SECISBP2: variants seen among roughly 807,000 people sequenced by gnomAD.
The protein encoded by SECISBP2 is SECIS binding protein 2.
SECISBP2 carries 96 observed loss-of-function variants against 98.2 expected under a neutral mutation model. That is an observed-to-expected ratio of 0.98 (90% CI 0.83 to 1.16). The LOEUF (loss-of-function observed/expected upper bound fraction) is 1.16. Ranked by LOEUF, SECISBP2 falls within the 50% of genes most tolerant of loss-of-function variation. SECISBP2 has a pLI of 0.00. For missense variants in SECISBP2, 1,046 were observed against 1,022.9 expected (o/e 1.02, Z -0.31); for synonymous variants, 407 against 370.2 (o/e 1.10, Z -1.14).
At chr9:89,340,239 T>C (rs1214540834) in intron 9 of SECISBP2, among the ~76,000 whole-genome samples, 6 of 152,318 alleles carry the variant, frequency 3.9e-5, no homozygotes, top group Non-Finnish European at 7.3e-5. Context: ...CATACTGCCT[T>C]ATGAAACTTT....
At chr9:89,355,523 C>A in intron 14 of SECISBP2, 1 of 974,358 alleles carries the variant, frequency 1.0e-6, no homozygotes, top group African/African-American at 1.8e-5. Context: ...TGATTTGTAC[C>A]TTTTTTATAA....
chr9:89,337,015 C>G (rs1428817190), intron 7 of SECISBP2, among the ~76,000 whole-genome samples: 1 of 152,070 alleles, frequency 6.6e-6, no homozygotes, highest in African/African-American at 2.4e-5. Context: ...CTCAGGTGAT[C>G]CATCTGCCTC....
downstream of SECISBP2, chr9:89,359,681 GTC>G (rs1263172385): frequency 6.6e-6 from 1 of 152,030 alleles, no homozygotes; most frequent in East Asian, 1.9e-4. Context: ...CTTCTCAGTG[GTC>G]TCTGTCTTAC....
intron 14 of SECISBP2, chr9:89,356,797 CT>C (rs751997729): frequency 6.2e-6 from 1 of 161,098 alleles, no homozygotes; most frequent in Non-Finnish European, 1.4e-5. Context: ...GGAGTCATCT[CT>C]TTGATATATG....
At chr9:89,341,887 A>G (rs1231326960) in intron 10 of SECISBP2, among the ~76,000 whole-genome samples, 1 of 152,230 alleles carries the variant, frequency 6.6e-6, no homozygotes, top group Admixed American at 6.5e-5. Flanking sequence ...ATCTTTTATT[A>G]GACATTGGAT....
chr9:89,332,956 G>GC lies in SECISBP2; in HGVS notation c.852dup (p.Ala285ArgfsTer33). The GC allele has an allele frequency of 1.2e-6, 2 of 1,613,910 alleles. No individual in the cohort carries two copies. The highest frequency in any genetic ancestry group is 1.7e-6 in the Non-Finnish European group (2 of 1,179,898). On this transcript the variant is annotated frameshift_variant, in exon 6 of 17. Coordinates refer to ENST00000375807, the MANE Select transcript of SECISBP2 (RefSeq NM_024077.5). LOFTEE classifies it high-confidence loss of function. ...CCCAAATGAATCTGTAACTGCTAAT[G>GC]CCGCTACCAATTCTCCTTCATGTAC...
Position 89,326,052 on chromosome 9 carries a change from A to G in SECISBP2, c.574+14A>G, listed in dbSNP as rs980741366. 21 of 1,609,858 alleles carry G rather than the reference A, an allele frequency of 1.3e-5. No individual in the cohort carries two copies. In the African/African-American group the frequency reaches 2.0e-4, roughly 15 times the overall value. On this transcript the variant is annotated intron_variant, in intron 4 of 16. Transcript: ENST00000375807. ...GTTTGAAATCAGGTAAAAATAACCA[A>G]CAATGTAGTATAATGCGAGCCTACT...
chr9:89,331,228 G>A (rs528648061), intron 5 of SECISBP2, among the ~76,000 whole-genome samples: 5 of 152,198 alleles, frequency 3.3e-5, no homozygotes, highest in African/African-American at 9.6e-5. Context: ...AACTTTGTTC[G>A]TATTTTTTCC....
At chr9:89,358,686 G>T (rs1309211604) in intron 16 of SECISBP2, 35 bp from the exon 17 acceptor site, 1 of 1,381,434 alleles carries the variant, frequency 7.2e-7, no homozygotes, top group Non-Finnish European at 1.0e-6. Context: ...ACTTGTTGAT[G>T]CCTATTCCTC....
intron 5 of SECISBP2, chr9:89,332,453 ATCT>A: frequency 4.4e-6 from 1 of 227,286 alleles, no homozygotes; most frequent in South Asian, 6.3e-5. Flanking sequence ...TGCCCTAAAA[ATCT>A]TCTGTGCTTC....
At chr9:89,325,752 T>A in intron 3 of SECISBP2, 76 bp downstream of exon 3, 4 of 1,603,416 alleles carry the variant, frequency 2.5e-6, no homozygotes, top group Non-Finnish European at 3.4e-6. Flanking sequence ...ATGGTAAATT[T>A]GTACATCATA....
chr9:89,365,607 TTAG>T, the SECISBP2 span: 1,891 of 152,344 alleles, frequency 0.012, 40 homozygotes, highest in African/African-American at 0.043. Flanking sequence ...TGGAGAATGC[TTAG>T]TAGTGAAAAG....
At chr9:89,333,589 G>C (rs150623026) in intron 6 of SECISBP2, among the ~76,000 whole-genome samples, 1 of 152,156 alleles carries the variant, frequency 6.6e-6, no homozygotes, top group Non-Finnish European at 1.5e-5. Flanking sequence ...AGGTGTTCTC[G>C]TGAGAGAGGG....
At chr9:89,348,290 ACT>A in intron 12 of SECISBP2, 76 bp downstream of exon 12, 2 of 1,536,424 alleles carry the variant, frequency 1.3e-6, no homozygotes, top group Non-Finnish European at 1.8e-6. Flanking sequence ...TGCTGAGCAA[ACT>A]CTCCAGGACT....
intron 2 of SECISBP2, among the ~76,000 whole-genome samples, chr9:89,321,253 G>T (rs1176098394): frequency 6.6e-6 from 1 of 152,208 alleles, no homozygotes; most frequent in East Asian, 1.9e-4. Context: ...CATCTGCTAG[G>T]TGGTATTTAG....
At chr9:89,339,671 G>T (rs1455435745) in intron 8 of SECISBP2, among the ~76,000 whole-genome samples, 193 bp from the exon 9 acceptor site, 2 of 152,138 alleles carry the variant, frequency 1.3e-5, no homozygotes, top group African/African-American at 2.4e-5. Flanking sequence ...GGGTACAGGG[G>T]TATTAGAACT....
At chr9:89,334,767 T>C in intron 7 of SECISBP2, 37 bp downstream of exon 7, 1 of 1,485,210 alleles carries the variant, frequency 6.7e-7, no homozygotes, top group Non-Finnish European at 9.4e-7. Context: ...GGATGGTGGT[T>C]GCCAGGGGCT....
At chr9:89,336,848 T>C (rs557195006) in intron 7 of SECISBP2, among the ~76,000 whole-genome samples, 69 of 141,106 alleles carry the variant, frequency 4.9e-4, no homozygotes, top group Middle Eastern at 3.8e-3. Flanking sequence ...CTCGGCTCAC[T>C]GCAACCTCCG....
intron 9 of SECISBP2, 133 bp from the exon 10 acceptor site, chr9:89,341,214 A>G: frequency 1.2e-6 from 1 of 844,480 alleles, no homozygotes; most frequent in Non-Finnish European, 1.8e-6. Flanking sequence ...TTTTCCTTTC[A>G]TTACTTGAAT....
Sources: allele counts gnomAD v4.1 joint callset (sites outside exome capture counted in the v4.1 genomes callset), GRCh38; gene constraint gnomAD v4.1.1; transcripts MANE v1.5; gene names NCBI Gene and HGNC (gene_info 2026-07-23, HGNC 2026-07-21).